Variants in MAMDC2 observed in about 807,000 individuals in gnomAD.
MAMDC2 encodes MAM domain containing 2.
MAMDC2 carries 57 observed loss-of-function variants against 89.8 expected under a neutral mutation model. The ratio of observed to expected loss-of-function variants is 0.63; its 90% CI spans 0.51 to 0.79. MAMDC2 has a LOEUF of 0.79. Among genes scored for constraint, MAMDC2 ranks in the 30% least tolerant of loss-of-function variants. MAMDC2 has a pLI of 0.00. For missense variants in MAMDC2, 800 were observed against 820.6 expected (o/e 0.97, Z 0.31); for synonymous variants, 313 against 293.4 (o/e 1.07, Z -0.68).
At chr9:70,154,126 A>G (rs1223872637) in intron 9 of MAMDC2, 7 of 152,254 alleles carry the variant, frequency 4.6e-5, no homozygotes, top group African/African-American at 1.7e-4. Flanking sequence ...CACTTAATGC[A>G]TTATGTTGAA....
intron 9 of MAMDC2, among the ~76,000 whole-genome samples, chr9:70,160,190 C>A (rs971909131): frequency 6.6e-6 from 1 of 151,760 alleles, no homozygotes; most frequent in African/African-American, 2.4e-5. Context: ...CTAGCCTGGG[C>A]AACAGAGGGA....
chr9:70,225,455 C>T (rs1354011113), intron 12 of MAMDC2, among the ~76,000 whole-genome samples: 1 of 151,944 alleles, frequency 6.6e-6, no homozygotes. Context: ...GAAGAGGAAA[C>T]CAGGTTACCA....
intron 11 of MAMDC2, among the ~76,000 whole-genome samples, chr9:70,176,094 A>G (rs1217977153): frequency 6.6e-6 from 1 of 152,244 alleles, no homozygotes; most frequent in African/African-American, 2.4e-5. Flanking sequence ...TTGAAGGAAC[A>G]GGGTAAACTC....
chr9:70,181,780 A>G (rs1393053440), intron 11 of MAMDC2, among the ~76,000 whole-genome samples: 1 of 152,202 alleles, frequency 6.6e-6, no homozygotes, highest in Non-Finnish European at 1.5e-5. Context: ...TTTTCTAAAT[A>G]TACAATCATG....
intron 11 of MAMDC2, among the ~76,000 whole-genome samples, chr9:70,209,540 C>A (rs962126046): frequency 2.5e-5 from 1 of 39,968 alleles, no homozygotes; most frequent in Non-Finnish European, 6.3e-5. Flanking sequence ...TTAGTCTGAG[C>A]GGTCTATCTA....
intron 11 of MAMDC2, among the ~76,000 whole-genome samples, chr9:70,204,919 C>T (rs904742237): frequency 5.3e-5 from 8 of 152,226 alleles, no homozygotes; most frequent in African/African-American, 1.9e-4. Flanking sequence ...TCAGCTCGCG[C>T]ATGGTGCGCA....
chr9:70,195,666 C>A (rs1193360117), intron 11 of MAMDC2, among the ~76,000 whole-genome samples: 1 of 152,062 alleles, frequency 6.6e-6, no homozygotes, highest in Non-Finnish European at 1.5e-5. Context: ...TGCTCTCTGA[C>A]CATGAGTCAC....
intron 2 of MAMDC2, among the ~76,000 whole-genome samples, chr9:70,052,078 G>A (rs984157181): frequency 3.3e-5 from 5 of 152,102 alleles, no homozygotes; most frequent in African/African-American, 1.2e-4. Context: ...GACCAGACTT[G>A]GCATCATTAA....
rs756190809 is a variant in MAMDC2 at position 70,108,279 on chromosome 9, T to A, written c.217T>A (p.Leu73Ile). The change falls in exon 3 of 14, where the codon TTA becomes ATA. Residue 73 changes from leucine (L) to isoleucine (I), a missense_variant. Transcript: ENST00000377182. Reference protein sequence around the residue: ...GEKAVLLSPDLQAEEWSCLRL... With the variant: ...GEKAVLLSPDIQAEEWSCLRL... ...GAAAGCTGTGCTGCTAAGTCCTGAC[T>A]TACAGGCTGAGGAATGGAGCTGCCT... The A allele has an allele frequency of 6.2e-7, 1 of 1,614,038 alleles. No individual in the cohort carries two copies. The highest frequency in any genetic ancestry group is 8.5e-7 in the Non-Finnish European group (1 of 1,179,926).
intron 9 of MAMDC2, among the ~76,000 whole-genome samples, chr9:70,164,761 G>A (rs371941629): frequency 7.9e-5 from 12 of 151,666 alleles, no homozygotes; most frequent in African/African-American, 2.2e-4. Context: ...AGAGCTTCCC[G>A]CCTCAGCCTT....
At chr9:70,210,007 T>C (rs956290341) in intron 11 of MAMDC2, among the ~76,000 whole-genome samples, 1 of 152,244 alleles carries the variant, frequency 6.6e-6, no homozygotes, top group African/African-American at 2.4e-5. Context: ...GGACAGTTTG[T>C]TATAATTTCT....
intron 11 of MAMDC2, among the ~76,000 whole-genome samples, chr9:70,204,860 A>T (rs571275664): frequency 5.9e-4 from 90 of 152,030 alleles, no homozygotes; most frequent in Non-Finnish European, 1.1e-3. Flanking sequence ...TGGAAAGGGA[A>T]CTCCCTGACC....
At chr9:70,178,735 A>C (rs994935418) in intron 11 of MAMDC2, among the ~76,000 whole-genome samples, 13 of 152,192 alleles carry the variant, frequency 8.5e-5, no homozygotes, top group African/African-American at 2.7e-4. Context: ...TTATACATCA[A>C]ATAATTGCCC....
intron 2 of MAMDC2, among the ~76,000 whole-genome samples, chr9:70,076,291 G>A (rs1453246373): frequency 2.0e-5 from 3 of 152,056 alleles, no homozygotes; most frequent in East Asian, 3.9e-4. Context: ...TGTGGTGGCA[G>A]GCACCTGTAG....
At chr9:70,070,841 A>G (rs1158113430) in intron 2 of MAMDC2, among the ~76,000 whole-genome samples, 2 of 152,140 alleles carry the variant, frequency 1.3e-5, no homozygotes, top group South Asian at 2.1e-4. Flanking sequence ...TGCCATTTCT[A>G]CAGTCAATTT....
intron 11 of MAMDC2, among the ~76,000 whole-genome samples, chr9:70,204,338 G>C (rs1346870210): frequency 1.3e-5 from 2 of 151,932 alleles, no homozygotes; most frequent in Non-Finnish European, 2.9e-5. Context: ...GTGTGCCCCT[G>C]CTGGGGGGTG....
intron 2 of MAMDC2, among the ~76,000 whole-genome samples, chr9:70,064,508 C>T (rs893890903): frequency 2.0e-5 from 3 of 152,206 alleles, no homozygotes; most frequent in African/African-American, 4.8e-5. Flanking sequence ...GGAACCACTA[C>T]AACCAATTTC....
intron 5 of MAMDC2, among the ~76,000 whole-genome samples, chr9:70,120,458 G>T (rs2030233470): frequency 6.6e-6 from 1 of 152,184 alleles, no homozygotes; most frequent in Non-Finnish European, 1.5e-5. Context: ...GAAAAGGGAA[G>T]CAATCCCCTT....
At chr9:70,205,860 G>C (rs2033214678) in intron 11 of MAMDC2, among the ~76,000 whole-genome samples, 1 of 152,248 alleles carries the variant, frequency 6.6e-6, no homozygotes, top group South Asian at 2.1e-4. Context: ...GCTTGAAGCT[G>C]TAATGTGGTA....
Sources: gnomAD v4.1 joint callset for allele counts (sites outside exome capture counted in the v4.1 genomes callset) on GRCh38, gnomAD v4.1.1 for gene constraint, MANE v1.5 for transcripts, NCBI Gene and HGNC (gene_info 2026-07-23, HGNC 2026-07-21) for gene names.